NFATC1: variants seen among roughly 807,000 people sequenced by gnomAD.
The protein encoded by NFATC1 is nuclear factor of activated T cells 1, also known as nuclear factor of activated T-cells, cytoplasmic 1.
A neutral mutation model predicts 76.0 loss-of-function variants in NFATC1; 22 were observed. That is an observed-to-expected ratio of 0.29 (90% CI 0.21 to 0.41). NFATC1 has a LOEUF of 0.41. NFATC1 is among the 10% of genes least tolerant of loss of function. The pLI is 1.00. For synonymous variants in NFATC1, 704 were observed against 613.1 expected, an observed-to-expected ratio of 1.15 and a Z score of -2.19; for missense variants, 1,357 against 1,337.7, an observed-to-expected ratio of 1.01 and a Z score of -0.23.
chr18:79,437,224 G>T (rs1486709002), intron 3 of NFATC1, among the ~76,000 whole-genome samples: 1 of 152,224 alleles, frequency 6.6e-6, no homozygotes, highest in Non-Finnish European at 1.5e-5. Flanking sequence ...GTGCGTGTGA[G>T]GGGATAGTGG....
chr18:79,448,666 G>GGGGCA, intron 3 of NFATC1, 116 bp from the exon 4 acceptor site: 1 of 925,172 alleles, frequency 1.1e-6, no homozygotes, highest in Non-Finnish European at 1.6e-6. Context: ...AAATAAAAAG[G>GGGGCA]GGGCAGGGCA....
chr18:79,466,424 C>T (rs2088495824), intron 7 of NFATC1, among the ~76,000 whole-genome samples: 1 of 152,180 alleles, frequency 6.6e-6, no homozygotes, highest in Admixed American at 6.5e-5. Context: ...CTGCATCACC[C>T]CAGTCATTTA....
rs2144766444 is a variant in NFATC1, at chr18:79,448,928, C to G, written c.1533C>G (p.Leu511=). Residue 511 remains leucine, a synonymous_variant, in exon 4 of 10, where the codon CTC becomes CTG. Coordinates refer to ENST00000427363, the MANE Select transcript of NFATC1 (RefSeq NM_001278669.2). ...CCACCACCAGCCACGAGGCCATCCT[C>G]TCCAACACCAAAGTCCTGGAGATCC... is the stretch of plus-strand genomic sequence containing the variant. ...TVSTTSHEAI[L]SNTKVLEIPL... The G allele has an allele frequency of 6.2e-7, 1 of 1,613,802 alleles. No homozygotes were observed. The highest frequency in any genetic ancestry group is 8.5e-7 in the Non-Finnish European group (1 of 1,180,042).
chr18:79,420,088 T>C (rs1340583829), intron 2 of NFATC1, among the ~76,000 whole-genome samples: 1 of 152,224 alleles, frequency 6.6e-6, no homozygotes, highest in Non-Finnish European at 1.5e-5. Context: ...GTTTCCCATG[T>C]GAGACCATGT....
rs545112277 is a variant in NFATC1, at chr18:79,406,977, C to T, written c.128-3426C>T. On this transcript the variant is annotated intron_variant, in intron 1 of 9. Coordinates refer to ENST00000427363, the MANE Select transcript of NFATC1 (RefSeq NM_001278669.2). ...CCTGCCTGTGTGGCCTGTTGTCCAG[C>T]GGGTCTGATGCAGCCGGCTCAGGGG... is the stretch of plus-strand genomic sequence containing the variant. Among the ~76,000 whole-genome samples, 59 of 152,338 alleles carry T rather than the reference C, an allele frequency of 3.9e-4. No homozygotes were observed. In the South Asian group the frequency reaches 5.4e-3, roughly 14 times the overall value.
At chr18:79,451,565 C>G in intron 5 of NFATC1, 111 bp from the exon 6 acceptor site, 2 of 1,238,776 alleles carry the variant, frequency 1.6e-6, no homozygotes, top group Non-Finnish European at 2.1e-6. Context: ...CAGGTCGTGG[C>G]GGTGCTTGCT....
chr18:79,401,455 C>G (rs566256921), intron 1 of NFATC1, among the ~76,000 whole-genome samples: 4 of 152,332 alleles, frequency 2.6e-5, no homozygotes, highest in African/African-American at 9.6e-5. Flanking sequence ...AAATGTCTTC[C>G]CTGCCTGGGC....
At chr18:79,475,314 G>A (rs894730832) in intron 8 of NFATC1, among the ~76,000 whole-genome samples, 4 of 149,408 alleles carry the variant, frequency 2.7e-5, no homozygotes, top group African/African-American at 1.0e-4. Context: ...AAACCTGAGG[G>A]AAGCGTGTTC....
intron 6 of NFATC1, among the ~76,000 whole-genome samples, chr18:79,458,328 CTT>C (rs2087854726): frequency 1.3e-5 from 2 of 149,448 alleles, no homozygotes; most frequent in Admixed American, 6.6e-5. Context: ...CACGAGGATG[CTT>C]TGGGGAGCAG....
chr18:79,449,954 T>C (rs191792916), intron 4 of NFATC1, among the ~76,000 whole-genome samples: 14 of 152,356 alleles, frequency 9.2e-5, no homozygotes, highest in Non-Finnish European at 1.3e-4. Context: ...GGGAGGAATG[T>C]ACGCACCTGG....
intron 7 of NFATC1, among the ~76,000 whole-genome samples, chr18:79,466,309 CCTG>C (rs1246301461): frequency 6.6e-6 from 1 of 152,202 alleles, no homozygotes; most frequent in East Asian, 1.9e-4. Context: ...GGATTTTTCT[CCTG>C]CTTGTTAAAC....
Position 79,486,195 on chromosome 18 carries a change from A to T in NFATC1, c.2093-53A>T, listed in dbSNP as rs942333520. The T allele has an allele frequency of 1.8e-5, 27 of 1,530,434 alleles. No individual in the cohort carries two copies. The African/African-American group carries it at 3.0e-4, about 17-fold the overall frequency. 94.8% of individuals were successfully genotyped at this position (1,530,434 alleles called of 1,614,324 possible). On this transcript the variant is annotated intron_variant, in intron 8 of 9. Transcript: ENST00000427363. ...GGTGCCCCAGCCACAAGCCTGCCTG[A>T]TCACACTCATTCGCAACTTGTGTTT...
At chr18:79,446,674 TG>T (rs908230611) in intron 3 of NFATC1, among the ~76,000 whole-genome samples, 7 of 152,236 alleles carry the variant, frequency 4.6e-5, no homozygotes, top group African/African-American at 1.7e-4. Context: ...ACTGTTTGTG[TG>T]GAGACACTCA....
chr18:79,512,146 C>A (rs2090268887), intron 9 of NFATC1, among the ~76,000 whole-genome samples: 1 of 152,060 alleles, frequency 6.6e-6, no homozygotes, highest in Non-Finnish European at 1.5e-5. Context: ...GGAGACAAGC[C>A]CCAGGACGCA....
chr18:79,459,429 A>G (rs1243512197), intron 6 of NFATC1, among the ~76,000 whole-genome samples: 2 of 152,122 alleles, frequency 1.3e-5, no homozygotes, highest in African/African-American at 4.8e-5. Flanking sequence ...TCGGGACATA[A>G]AGAGAGGAGC....
chr18:79,455,197 T>C lies in NFATC1; in HGVS notation c.1903+3381T>C, dbSNP rs114942969. Among the ~76,000 whole-genome samples the C allele has an allele frequency of 8.7e-3, 1,319 of 152,344 alleles. 18 individuals are homozygous for C. Among genetic ancestry groups the C allele is most frequent in the African/African-American group, 0.029 (1,211 of 41,582 alleles). Reference sequence around the variant, plus strand: ...GTTCTGGTGCCGTTTTTTAAAAACATCAGCGAAGCCTGTTTTGGTGTCGCT... The same window carrying C: ...GTTCTGGTGCCGTTTTTTAAAAACACCAGCGAAGCCTGTTTTGGTGTCGCT... On this transcript the variant is annotated intron_variant, in intron 6 of 9. Transcript: ENST00000427363.
intron 9 of NFATC1, among the ~76,000 whole-genome samples, chr18:79,510,245 C>T (rs919951535): frequency 2.6e-5 from 4 of 152,030 alleles, no homozygotes; most frequent in African/African-American, 4.8e-5. Flanking sequence ...TGCCCCCGTG[C>T]GGAAACTCAG....
intron 2 of NFATC1, among the ~76,000 whole-genome samples, chr18:79,417,825 GGGCTGTGGTGGGAGATGGGAGATC>G: frequency 4.0e-5 from 1 of 25,276 alleles, no homozygotes; most frequent in African/African-American, 1.8e-4. Context: ...GATGGGAGAT[GGGCTGTGGTGGGAGATGGGAGATC>G]GGCTGTGGTG....
At chr18:79,407,310 G>A (rs2085476585) in intron 1 of NFATC1, among the ~76,000 whole-genome samples, 1 of 152,218 alleles carries the variant, frequency 6.6e-6, no homozygotes, top group East Asian at 1.9e-4. Flanking sequence ...TCTTGCAGCT[G>A]GGGCAGATCC....
Sources: gnomAD v4.1 joint callset for allele counts (sites outside exome capture counted in the v4.1 genomes callset) on GRCh38, gnomAD v4.1.1 for gene constraint, MANE v1.5 for transcripts, NCBI Gene and HGNC (gene_info 2026-07-23, HGNC 2026-07-21) for gene names.